Variants in SARNP observed in about 807,000 individuals in gnomAD.
SARNP encodes the protein SAP domain-containing ribonucleoprotein.
SARNP carries 5 observed loss-of-function variants against 38.1 expected under a neutral mutation model. The ratio of observed to expected loss-of-function variants is 0.13; its 90% CI spans 0.07 to 0.28. SARNP has a LOEUF of 0.28. Among genes scored for constraint, SARNP ranks in the 10% least tolerant of loss-of-function variants. The pLI is 1.00. For missense variants in SARNP, 180 were observed against 243.9 expected, an observed-to-expected ratio of 0.74 and a Z score of 1.75; for synonymous variants, 84 against 80.6, an observed-to-expected ratio of 1.04 and a Z score of -0.23.
chr12:55,788,974 T>C lies in SARNP; in HGVS notation c.501+101A>G, dbSNP rs1033918564. On this transcript the variant is annotated intron_variant, in intron 9 of 10. Transcript: ENST00000336133. Reference sequence around the variant, plus strand: ...ATCAAGTATGTGAAATGAAATGCTTTGTAGCCAGCTACATTCTCAGGAGGG... The same window carrying C: ...ATCAAGTATGTGAAATGAAATGCTTCGTAGCCAGCTACATTCTCAGGAGGG... 6.5e-6 allele frequency: 5 copies of C among 766,764 alleles called. No homozygotes were observed. In the African/African-American group the frequency reaches 9.0e-5, roughly 14 times the overall value. 47.5% of individuals were successfully genotyped at this position (766,764 alleles called of 1,614,324 possible). A position where few individuals can be genotyped will look rare whatever the true frequency, so the allele number is the denominator to read the frequency against.
chr12:55,816,093 T>G (rs534948662), intron 1 of SARNP, among the ~76,000 whole-genome samples: 1 of 152,324 alleles, frequency 6.6e-6, no homozygotes, highest in African/African-American at 2.4e-5. Flanking sequence ...AAATTTTATA[T>G]AGACCTGACA....
intron 1 of SARNP, among the ~76,000 whole-genome samples, chr12:55,806,317 C>G (rs1880142170): frequency 6.6e-6 from 1 of 151,282 alleles, no homozygotes; most frequent in Non-Finnish European, 1.5e-5. Flanking sequence ...CTCTGGTGCC[C>G]TGGCTGGAGT....
intron 1 of SARNP, among the ~76,000 whole-genome samples, chr12:55,807,052 A>C (rs1171016103): frequency 6.6e-6 from 1 of 152,166 alleles, no homozygotes; most frequent in Non-Finnish European, 1.5e-5. Context: ...CCGAACCTCC[A>C]GCTGGGACTA....
Position 55,800,595 on chromosome 12 carries a change from T to C in SARNP, c.218A>G (p.Lys73Arg), listed in dbSNP as rs774522565. The C allele has an allele frequency of 3.7e-6, 6 of 1,612,758 alleles. No individual in the cohort carries two copies. The highest frequency in any genetic ancestry group is 3.3e-5 in the South Asian group (3 of 90,846). Residue 73 changes from lysine to arginine, a missense_variant, in exon 4 of 11, where the codon AAA (lysine) becomes AGA (arginine). Physicochemically the swap from Lys to Arg is conservative, Grantham distance 26. Around this residue, in one of 2 missense-constraint regions of SARNP, gnomAD observed 161 missense variants for 194.1 expected, o/e 0.83. Transcript: ENST00000336133. The stretch of plus-strand genomic sequence containing the variant: ...AGTTTTTTCAGGGGGTTCTTCCTCT[T>C]TGACAGGGAGCTCAATGGGCTTTGT... ...EETKPIELPV[K>R]EEEPPEKTVD...
Position 55,815,550 on chromosome 12 carries a change from T to C in SARNP, c.36+2116A>G, listed in dbSNP as rs1478288971. ...GCTCACTGCAACCTCCAACCCGGGC[T>C]CAAGCGATTCTTGTGCCTCAGCCTC... On this transcript the variant is annotated intron_variant, in intron 1 of 10. Transcript: ENST00000336133. 2.6e-5 allele frequency among the ~76,000 whole-genome samples: 4 copies of C among 152,138 alleles called. No individual in the cohort carries two copies. In the East Asian group the frequency reaches 7.7e-4, roughly 29 times the overall value.
rs186342492 is a variant in SARNP, at chr12:55,812,784, T to C, written c.36+4882A>G. On this transcript the variant is annotated intron_variant, in intron 1 of 10. Coordinates refer to ENST00000336133, the MANE Select transcript of SARNP (RefSeq NM_033082.4). ...AATTCATTCCCATTCTTTTGAAGTC[T>C]TGACATGCTTATTCACTCAACAAAT... Among the ~76,000 whole-genome samples, 227 of 152,380 alleles carry C rather than the reference T, an allele frequency of 1.5e-3. 5 individuals carry two copies. The highest frequency in any genetic ancestry group is 0.013 in the Admixed American group (200 of 15,306).
chr12:55,788,232 G>A (rs895966213), intron 9 of SARNP, among the ~76,000 whole-genome samples: 1 of 152,104 alleles, frequency 6.6e-6, no homozygotes, highest in Non-Finnish European at 1.5e-5. Flanking sequence ...CTATGCCCTG[G>A]GGAACCAATC....
chr12:55,795,926 C>T, intron 5 of SARNP, 99 bp downstream of exon 5: 5 of 851,270 alleles, frequency 5.9e-6, no homozygotes, highest in Non-Finnish European at 9.3e-6. Flanking sequence ...TACTGATTTT[C>T]TGCCTGTGAA....
intron 5 of SARNP, among the ~76,000 whole-genome samples, chr12:55,795,197 T>A (rs1214944060): frequency 6.6e-6 from 1 of 152,018 alleles, no homozygotes; most frequent in Non-Finnish European, 1.5e-5. Context: ...TGGCCTCAAG[T>A]GAACTGCCCA....
intron 9 of SARNP, among the ~76,000 whole-genome samples, chr12:55,778,840 G>A (rs986446173): frequency 1.3e-5 from 2 of 152,002 alleles, no homozygotes; most frequent in African/African-American, 4.8e-5. Flanking sequence ...GCATGGTGGC[G>A]CACACTTGTA....
chr12:55,787,580 G>A (rs1464052550), intron 9 of SARNP, among the ~76,000 whole-genome samples: 2 of 152,006 alleles, frequency 1.3e-5, no homozygotes. Flanking sequence ...GGGATTACAG[G>A]CATGTACCAC....
chr12:55,794,133 C>G, intron 7 of SARNP: 1 of 523,286 alleles, frequency 1.9e-6, no homozygotes, highest in Non-Finnish European at 3.4e-6. Context: ...CAAGAAAAGA[C>G]AGACAAATGT....
chr12:55,783,765 A>G (rs1879407130), intron 9 of SARNP, among the ~76,000 whole-genome samples: 1 of 151,982 alleles, frequency 6.6e-6, no homozygotes, highest in Non-Finnish European at 1.5e-5. Flanking sequence ...ATAAATCTAA[A>G]ATATGAAGAG....
intron 1 of SARNP, among the ~76,000 whole-genome samples, chr12:55,816,724 T>C (rs763862892): frequency 1.1e-4 from 16 of 152,210 alleles, no homozygotes; most frequent in Non-Finnish European, 2.1e-4. Context: ...ACTCAAGATA[T>C]CTTAATTTAC....
At chr12:55,765,630 C>A (rs1208001038) in intron 9 of SARNP, among the ~76,000 whole-genome samples, 1 of 151,998 alleles carries the variant, frequency 6.6e-6, no homozygotes, top group Admixed American at 6.6e-5. Flanking sequence ...AGGCATGAGC[C>A]ACCACACCCA....
At chr12:55,765,028 C>G (rs539638250) in intron 9 of SARNP, among the ~76,000 whole-genome samples, 72 of 152,228 alleles carry the variant, frequency 4.7e-4, no homozygotes, top group Middle Eastern at 3.4e-3. Flanking sequence ...AGTCTCCCGG[C>G]CAAGTAGGAA....
intron 9 of SARNP, among the ~76,000 whole-genome samples, chr12:55,764,900 A>G (rs1030836157): frequency 6.6e-5 from 10 of 152,022 alleles, no homozygotes; most frequent in Non-Finnish European, 1.2e-4. Flanking sequence ...TTTTACTAAC[A>G]AAGTCAAGGG....
intron 9 of SARNP, among the ~76,000 whole-genome samples, chr12:55,767,981 T>G (rs1199174901): frequency 2.0e-5 from 3 of 152,046 alleles, no homozygotes; most frequent in Non-Finnish European, 4.4e-5. Flanking sequence ...AAAATTCCCT[T>G]TAGCTTCAAG....
In SARNP at chr12:55,781,055, GAACA is replaced by G. The variant is rs559806610; in HGVS notation, c.501+8016_501+8019del. Among the ~76,000 whole-genome samples, 177 of 152,224 alleles carry G rather than the reference GAACA, an allele frequency of 1.2e-3. 7 individuals are homozygous for G. Among genetic ancestry groups the G allele is most frequent in the Admixed American group, 7.6e-3 (116 of 15,284 alleles). ...ACCAAAACCTATCACTGAAGTGAAG[GAACA>G]AACAAATATTTCTTCACTTATTTCA... On this transcript the variant is annotated intron_variant, in intron 9 of 10. Coordinates refer to ENST00000336133, the MANE Select transcript of SARNP (RefSeq NM_033082.4).
Sources: gnomAD v4.1 joint callset for allele counts (sites outside exome capture counted in the v4.1 genomes callset) on GRCh38, gnomAD v4.1.1 for gene constraint, gnomAD v4.1.1 regional missense constraint, MANE v1.5 for transcripts, NCBI Gene and HGNC (gene_info 2026-07-23, HGNC 2026-07-21) for gene names.